RFX4: variants seen among roughly 807,000 people sequenced by gnomAD.
RFX4 encodes transcription factor RFX4.
In RFX4, 10 loss-of-function variants were observed where a neutral mutation model predicts 95.0. The observed-to-expected ratio is 0.11, with a 90% CI of 0.06 to 0.18. The LOEUF (loss-of-function observed/expected upper bound fraction) is 0.18, where lower values mean the gene tolerates loss of function less well. RFX4 is among the 10% of genes least tolerant of loss of function. The probability of loss-of-function intolerance (pLI) is 1.00; values close to 1 mark genes in which losing one functional copy is unlikely to be tolerated. For synonymous variants in RFX4, 321 were observed against 340.7 expected (o/e 0.94, Z 0.64); for missense variants, 640 against 922.0 (o/e 0.69, Z 3.96).
At chr12:106,597,245 GT>G (rs985909235) in intron 1 of RFX4, among the ~76,000 whole-genome samples, 99 of 147,432 alleles carry the variant, frequency 6.7e-4, no homozygotes, top group Middle Eastern at 3.6e-3. Flanking sequence ...TCATGGGGTA[GT>G]TTTTTTTTTT....
intron 2 of RFX4, among the ~76,000 whole-genome samples, chr12:106,633,103 T>C (rs2040448228): frequency 6.6e-6 from 1 of 152,168 alleles, no homozygotes; most frequent in Admixed American, 6.5e-5. Flanking sequence ...CAGGCCTGGG[T>C]GTGACACACC....
chr12:106,746,895 T>C (rs1233006557), intron 15 of RFX4, among the ~76,000 whole-genome samples: 2 of 152,176 alleles, frequency 1.3e-5, no homozygotes, highest in Non-Finnish European at 2.9e-5. Flanking sequence ...TCCCTTCCCT[T>C]TTCTCCCTTC....
intron 14 of RFX4, among the ~76,000 whole-genome samples, chr12:106,732,472 G>A (rs1205161348): frequency 6.6e-6 from 1 of 152,092 alleles, no homozygotes; most frequent in African/African-American, 2.4e-5. Context: ...GGCCAAGGCG[G>A]GCAGCTCACT....
chr12:106,746,096 G>A (rs1354682669), intron 15 of RFX4, among the ~76,000 whole-genome samples: 2 of 152,074 alleles, frequency 1.3e-5, no homozygotes, highest in African/African-American at 2.4e-5. Context: ...GGTGGCTCAC[G>A]CCTGTAATCC....
chr12:106,731,982 A>G (rs1592993268), intron 13 of RFX4, 148 bp from the exon 14 acceptor site: 1 of 1,152,220 alleles, frequency 8.7e-7, no homozygotes, highest in Non-Finnish European at 1.2e-6. Flanking sequence ...ACTGCAACCT[A>G]TGACCATGAG....
intron 7 of RFX4, 152 bp downstream of exon 7, chr12:106,689,516 T>C (rs1305890865): frequency 4.5e-6 from 3 of 670,576 alleles, no homozygotes; most frequent in Non-Finnish European, 8.0e-6. Flanking sequence ...TGAGATCCCA[T>C]GAAGCAGGTA....
Position 106,747,565 on chromosome 12 carries a change from A to C in RFX4, c.1762A>C (p.Arg588=). Residue 588 remains arginine, a synonymous_variant, in exon 16 of 18, where the codon AGG becomes CGG. Transcript: ENST00000392842. ...THVPSSSVTH[R]IPVYPHREEH... ...TGTGCCTTCTTCCTCCGTCACACAC[A>C]GGATACCAGTTTATCCCCACAGAGA... The C allele has an allele frequency of 6.2e-7, 1 of 1,614,064 alleles. No homozygotes were observed. The highest frequency in any genetic ancestry group is 1.1e-5 in the South Asian group (1 of 91,062).
intron 11 of RFX4, among the ~76,000 whole-genome samples, chr12:106,716,783 G>C (rs1304720612): frequency 2.0e-5 from 3 of 151,848 alleles, no homozygotes; most frequent in African/African-American, 7.3e-5. Context: ...ATACATGCAC[G>C]GTCCCATTTA....
At chr12:106,615,304 G>A (rs2040052000) in intron 2 of RFX4, among the ~76,000 whole-genome samples, 2 of 151,946 alleles carry the variant, frequency 1.3e-5, no homozygotes, top group Admixed American at 1.3e-4. Context: ...TTTGGATCTG[G>A]GTCTGGACTT....
chr12:106,642,648 C>T (rs535573297), intron 3 of RFX4, among the ~76,000 whole-genome samples: 1 of 152,220 alleles, frequency 6.6e-6, no homozygotes, highest in East Asian at 1.9e-4. Flanking sequence ...GATAGATAAA[C>T]AAGTAATGCA....
At chr12:106,649,562 T>G (rs746877998) in intron 3 of RFX4, among the ~76,000 whole-genome samples, 26 of 152,178 alleles carry the variant, frequency 1.7e-4, no homozygotes, top group Non-Finnish European at 2.2e-4. Context: ...CCATCTGATT[T>G]GAATAGTTTG....
intron 8 of RFX4, among the ~76,000 whole-genome samples, chr12:106,707,162 G>A (rs917301286): frequency 6.6e-6 from 1 of 152,068 alleles, no homozygotes; most frequent in Non-Finnish European, 1.5e-5. Flanking sequence ...CTTGGGGTAT[G>A]TTTGAAATTC....
At chr12:106,669,733 C>T (rs940668526) in intron 4 of RFX4, among the ~76,000 whole-genome samples, 4 of 151,824 alleles carry the variant, frequency 2.6e-5, no homozygotes. Context: ...CATAGACAGA[C>T]TTTCCTTCTA....
chr12:106,705,514 A>G (rs2042067335), intron 8 of RFX4, among the ~76,000 whole-genome samples: 1 of 152,228 alleles, frequency 6.6e-6, no homozygotes. Flanking sequence ...AAGAAGGCAT[A>G]GATGCTGCAG....
At chr12:106,584,901 G>A (rs1191616680) in intron 1 of RFX4, among the ~76,000 whole-genome samples, 1 of 152,178 alleles carries the variant, frequency 6.6e-6, no homozygotes, top group Non-Finnish European at 1.5e-5. Context: ...GATGACAAAC[G>A]AAGGCAAGGA....
intron 2 of RFX4, among the ~76,000 whole-genome samples, chr12:106,623,366 C>T (rs545448450): frequency 6.6e-6 from 1 of 152,136 alleles, no homozygotes; most frequent in Non-Finnish European, 1.5e-5. Flanking sequence ...GTCTACCTCT[C>T]AGAAAGTAAT....
At chr12:106,684,669 C>T in intron 5 of RFX4, 2 of 1,449,932 alleles carry the variant, frequency 1.4e-6, no homozygotes, top group South Asian at 1.5e-5. Flanking sequence ...CCTGAAGCCA[C>T]CGGAACCATG....
At chr12:106,663,740 C>A (rs773692363) in intron 4 of RFX4, among the ~76,000 whole-genome samples, 1 of 149,066 alleles carries the variant, frequency 6.7e-6, no homozygotes, top group Non-Finnish European at 1.5e-5. Flanking sequence ...CCCTTTATTC[C>A]TAGTTTGCAG....
intron 1 of RFX4, among the ~76,000 whole-genome samples, chr12:106,600,849 A>G (rs757691022): frequency 1.2e-4 from 18 of 151,882 alleles, no homozygotes; most frequent in Non-Finnish European, 2.6e-4. Flanking sequence ...CAGTGTCCCC[A>G]CTGCCCAAAA....
Sources: gnomAD v4.1 joint callset for allele counts (sites outside exome capture counted in the v4.1 genomes callset) on GRCh38, gnomAD v4.1.1 for gene constraint, MANE v1.5 for transcripts, NCBI Gene and HGNC (gene_info 2026-07-23, HGNC 2026-07-21) for gene names.